CCDC15: variants seen among roughly 807,000 people sequenced by gnomAD.
The protein encoded by CCDC15 is coiled-coil domain containing 15.
CCDC15 carries 105 observed loss-of-function variants against 114.5 expected under a neutral mutation model. The ratio of observed to expected loss-of-function variants is 0.92; its 90% CI spans 0.78 to 1.08. CCDC15 has a LOEUF of 1.08. Ranked by LOEUF, CCDC15 falls within the 50% of genes least tolerant of loss-of-function variation. CCDC15 has a pLI of 0.00. For missense variants in CCDC15, 1,105 were observed against 1,093.6 expected (o/e 1.01, Z -0.15); for synonymous variants, 334 against 377.8 (o/e 0.88, Z 1.34).
intron 12 of CCDC15, among the ~76,000 whole-genome samples, 153 bp downstream of exon 12, chr11:125,004,112 T>A (rs1023167648): frequency 3.9e-5 from 6 of 152,052 alleles, no homozygotes; most frequent in Non-Finnish European, 8.8e-5. Flanking sequence ...CTCATTATAA[T>A]GTGTTGAATT....
intron 11 of CCDC15, among the ~76,000 whole-genome samples, chr11:124,993,921 A>G (rs1948314024): frequency 6.6e-6 from 1 of 152,240 alleles, no homozygotes; most frequent in Admixed American, 6.5e-5. Context: ...ACCATAGAAG[A>G]TAGATACTAT....
Position 124,993,186 on chromosome 11 carries a change from A to G in CCDC15, c.2157A>G (p.Leu719=). Residue 719 remains leucine (L), a synonymous_variant, in exon 11 of 16, where the codon CTA becomes CTG. Coordinates refer to ENST00000344762, the MANE Select transcript of CCDC15 (RefSeq NM_025004.3). ...TCCTTTAGAACAAGCATATCAAACTACCCTCATCTTTTGAGAAATGGGAGA... is the reference window on the plus strand; with the variant it reads ...TCCTTTAGAACAAGCATATCAAACTGCCCTCATCTTTTGAGAAATGGGAGA... ...SPREQNKHIK[L]PSSFEKWEIA... is the part of the protein sequence containing the mutation. 1 of 1,605,926 alleles carries G rather than the reference A, an allele frequency of 6.2e-7. No homozygotes were observed. The highest frequency in any genetic ancestry group is 8.5e-7 in the Non-Finnish European group (1 of 1,174,584).
chr11:125,037,071 G>T (rs60601301), intron 13 of CCDC15, among the ~76,000 whole-genome samples: 1 of 151,890 alleles, frequency 6.6e-6, no homozygotes, highest in African/African-American at 2.4e-5. Flanking sequence ...CTGCCTCTTT[G>T]TGTGCTTAGT....
chr11:124,977,661 A>G (rs146885815), intron 6 of CCDC15, 61 bp downstream of exon 6: 2 of 1,519,146 alleles, frequency 1.3e-6, no homozygotes, highest in African/African-American at 1.4e-5. Flanking sequence ...TCCACAGCTA[A>G]CTAAGGATGG....
intron 11 of CCDC15, 45 bp from the exon 12 acceptor site, chr11:125,003,822 T>A (rs1948516725): frequency 2.6e-6 from 3 of 1,137,852 alleles, no homozygotes; most frequent in Non-Finnish European, 3.8e-6. Context: ...CATGGGGTAG[T>A]TTTTGGTAAT....
chr11:125,035,754 T>C (rs1948770724), intron 13 of CCDC15, among the ~76,000 whole-genome samples: 1 of 152,188 alleles, frequency 6.6e-6, no homozygotes, highest in Admixed American at 6.5e-5. Flanking sequence ...TTTCCAAATA[T>C]GAAGTTACGA....
chr11:125,003,049 A>G (rs147906861), intron 11 of CCDC15, among the ~76,000 whole-genome samples: 1 of 152,128 alleles, frequency 6.6e-6, no homozygotes, highest in African/African-American at 2.4e-5. Flanking sequence ...TCCATTATAT[A>G]TATCATCTTT....
Position 124,987,745 on chromosome 11 carries a change from C to A in CCDC15, c.1519C>A (p.Gln507Lys). ...YQDQNFLPKD[Q>K]NFLSRDQHVL... The stretch of plus-strand genomic sequence containing the variant: ...GGACCAGAATTTTCTACCTAAGGAC[C>A]AGAATTTTTTGTCTAGAGACCAGCA... The change falls in exon 8 of 16, where the codon CAG (glutamine) becomes AAG (lysine). Residue 507 changes from glutamine (Q) to lysine (K), a missense_variant. Coordinates refer to ENST00000344762, the MANE Select transcript of CCDC15 (RefSeq NM_025004.3). 6.2e-7 allele frequency: 1 copy of A among 1,613,968 alleles called. No homozygotes were observed.
chr11:125,016,500 C>G (rs1948630237), intron 13 of CCDC15, among the ~76,000 whole-genome samples: 1 of 152,094 alleles, frequency 6.6e-6, no homozygotes. Flanking sequence ...CTTTAGAGCT[C>G]TAGTATAACA....
At chr11:124,971,598 C>T (rs981322028) in intron 4 of CCDC15, among the ~76,000 whole-genome samples, 1 of 151,822 alleles carries the variant, frequency 6.6e-6, no homozygotes, top group Non-Finnish European at 1.5e-5. Context: ...TTATGTTGTT[C>T]ATGAGAGGAA....
chr11:124,995,459 G>C (rs1285656959), intron 11 of CCDC15, among the ~76,000 whole-genome samples: 1 of 152,156 alleles, frequency 6.6e-6, no homozygotes, highest in African/African-American at 2.4e-5. Flanking sequence ...TGTATGAACA[G>C]CACTTGGCAC....
chr11:125,027,492 A>G (rs1402499474), intron 13 of CCDC15, among the ~76,000 whole-genome samples: 1 of 152,058 alleles, frequency 6.6e-6, no homozygotes, highest in Non-Finnish European at 1.5e-5. Context: ...ATAAGTAATG[A>G]TGTTGAGCAT....
chr11:125,016,193 G>A (rs984161344), intron 13 of CCDC15, among the ~76,000 whole-genome samples: 4 of 152,104 alleles, frequency 2.6e-5, no homozygotes, highest in African/African-American at 4.8e-5. Context: ...TTTATTGTGC[G>A]TAAGAAGGTA....
chr11:124,986,698 TGTGC>T, intron 6 of CCDC15, 40 bp from the exon 7 acceptor site: 1 of 1,437,396 alleles, frequency 7.0e-7, no homozygotes, highest in African/African-American at 1.6e-5. Context: ...TGTTTGTGTG[TGTGC>T]GCGCGCGCGC....
chr11:125,008,446 C>A (rs1242740021), intron 13 of CCDC15, among the ~76,000 whole-genome samples: 4 of 152,196 alleles, frequency 2.6e-5, no homozygotes, highest in African/African-American at 9.6e-5. Context: ...ATTATATGAT[C>A]ATGTCACCAG....
rs1170440205 is a variant in CCDC15 at position 125,038,524 on chromosome 11, G to A, written c.2505G>A (p.Leu835=). The A allele has an allele frequency of 6.3e-7, 1 of 1,588,362 alleles. No individual in the cohort carries two copies. Among genetic ancestry groups the A allele is most frequent in the Admixed American group, 1.8e-5 (1 of 56,244 alleles). Residue 835 remains leucine, a synonymous_variant, in exon 14 of 16, where the codon TTG becomes TTA. Transcript: ENST00000344762. The part of the protein sequence containing the change: ...FHEDPYSGEK[L]SEILAQLQLQ... ...AAGATCCATATTCAGGAGAGAAGTT[G>A]AGTGAGATATTAGCCCAGTTACAAC...
In CCDC15 at chr11:124,987,375, T is replaced by G; in HGVS notation, c.1149T>G (p.Pro383=). The G allele has an allele frequency of 6.2e-7, 1 of 1,614,012 alleles. No individual in the cohort carries two copies. Among genetic ancestry groups the G allele is most frequent in the African/African-American group, 1.3e-5 (1 of 75,048 alleles). Residue 383 remains proline (P), a synonymous_variant, in exon 8 of 16, where the codon CCT becomes CCG. Transcript: ENST00000344762. The part of the protein sequence containing the change: ...EGQAIEPEGQ[P]IKTETQGIML... The stretch of plus-strand genomic sequence containing the variant: ...AGGCCATTGAGCCAGAAGGCCAGCC[T>G]ATTAAGACAGAAACTCAGGGTATTA...
chr11:124,992,784 G>C, intron 10 of CCDC15, 97 bp downstream of exon 10: 1 of 682,832 alleles, frequency 1.5e-6, no homozygotes, highest in Admixed American at 2.8e-5. Context: ...AAGCTAGCTT[G>C]TTTGTGGAAT....
Position 125,038,450 on chromosome 11 carries a change from C to T in CCDC15, c.2431C>T (p.Gln811Ter). Residue 811 changes from glutamine (Q) to a stop codon, truncating the protein, a stop_gained, in exon 14 of 16, where the codon CAA becomes TAA. Transcript: ENST00000344762. LOFTEE classifies it high-confidence loss of function. ...KIEKIKKKRE[Q>*]ECYAAEQRIL... Reference sequence around the variant, plus strand: ...TTTCAGAATTAAGAAAAAGAGAGAGCAAGAATGTTATGCTGCAGAGCAGAG... The same window carrying T: ...TTTCAGAATTAAGAAAAAGAGAGAGTAAGAATGTTATGCTGCAGAGCAGAG... 1 of 1,518,844 alleles carries T rather than the reference C, an allele frequency of 6.6e-7. No individual in the cohort carries two copies. The highest frequency in any genetic ancestry group is 1.3e-5 in the South Asian group (1 of 74,094). The allele number at this position is 1,518,844 out of a possible 1,614,324, so 94.1% of individuals were successfully genotyped here. A position where few individuals can be genotyped will look rare whatever the true frequency, so the allele number is the denominator to read the frequency against.
Sources: allele counts gnomAD v4.1 joint callset (sites outside exome capture counted in the v4.1 genomes callset), GRCh38; gene constraint gnomAD v4.1.1; transcripts MANE v1.5; gene names NCBI Gene and HGNC (gene_info 2026-07-23, HGNC 2026-07-21).